Variants in PLCE1 observed in about 807,000 individuals in gnomAD.
PLCE1 encodes the protein 1-phosphatidylinositol 4,5-bisphosphate phosphodiesterase epsilon-1.
In PLCE1, 119 loss-of-function variants were observed where a neutral mutation model predicts 242.8. That is an observed-to-expected ratio of 0.49 (90% confidence interval 0.42 to 0.57). PLCE1 has a LOEUF of 0.57. Among genes scored for constraint, PLCE1 ranks in the 20% least tolerant of loss-of-function variants. The pLI, the probability that PLCE1 is intolerant of heterozygous loss-of-function variation, is 0.00. For synonymous variants in PLCE1, 945 were observed against 1,017.4 expected, an observed-to-expected ratio of 0.93 and a Z score of 1.35; for missense variants, 2,441 against 2,788.8, an observed-to-expected ratio of 0.88 and a Z score of 2.81.
At chr10:94,318,768 A>G (rs933458176) in intron 29 of PLCE1, among the ~76,000 whole-genome samples, 1 of 152,176 alleles carries the variant, frequency 6.6e-6, no homozygotes, top group Non-Finnish European at 1.5e-5. Flanking sequence ...ATTTAAATGT[A>G]TACCACAACA....
chr10:94,218,910 T>A (rs1178857603), intron 4 of PLCE1, among the ~76,000 whole-genome samples: 4 of 134,816 alleles, frequency 3.0e-5, no homozygotes, highest in East Asian at 2.2e-4. Context: ...TTATAAAAAA[T>A]CTGACTATAA....
At chr10:94,136,042 A>G (rs184153158) in intron 3 of PLCE1, among the ~76,000 whole-genome samples, 159 of 152,354 alleles carry the variant, frequency 1.0e-3, no homozygotes, top group Admixed American at 2.5e-3. Flanking sequence ...GATAAAGAAA[A>G]AGGAATAAGT....
In PLCE1 at chr10:94,028,724, G is replaced by A. The variant is rs372111630; in HGVS notation, c.-364-1959G>A. On this transcript the variant is annotated intron_variant, in intron 1 of 32. Transcript: ENST00000371380. ...AGCAATTTGGGAGGCTAAGATGGGA[G>A]GATCGCTTGAGCCCAGAAATTCAAG... Among the ~76,000 whole-genome samples, 5 of 152,122 alleles carry A rather than the reference G, an allele frequency of 3.3e-5. No individual in the cohort carries two copies. The East Asian group carries it at 5.8e-4, about 18-fold the overall frequency.
Position 94,252,385 on chromosome 10 carries a change from G to T in PLCE1, c.3166G>T (p.Ala1056Ser). The change falls in exon 9 of 33, where the codon GCT (alanine) becomes TCT (serine). Residue 1056 changes from alanine (A) to serine (S), a missense_variant. Transcript: ENST00000371380. ...GTTGTTTGGTGGCAGACGGTGGAGT[G>T]CTCGAAACCCCAGCCCCGGAACATC... is the stretch of plus-strand genomic sequence containing the variant. ...VELFGGRRWS[A>S]RNPSPGTSAK... 1 of 1,614,070 alleles carries T rather than the reference G, an allele frequency of 6.2e-7. No individual in the cohort carries two copies. Among genetic ancestry groups the T allele is most frequent in the Non-Finnish European group, 8.5e-7 (1 of 1,180,000 alleles).
chr10:94,202,132 C>T (rs2049005284), intron 4 of PLCE1, among the ~76,000 whole-genome samples: 3 of 152,144 alleles, frequency 2.0e-5, no homozygotes, highest in Non-Finnish European at 4.4e-5. Flanking sequence ...CATCAATTTA[C>T]AGGTGTTACA....
intron 24 of PLCE1, among the ~76,000 whole-genome samples, chr10:94,300,159 G>T (rs1047597019): frequency 6.6e-6 from 1 of 152,200 alleles, no homozygotes. Context: ...GGAAATGGAA[G>T]TGCATTTGGT....
At chr10:94,101,211 G>A (rs2045522443) in intron 2 of PLCE1, among the ~76,000 whole-genome samples, 1 of 152,214 alleles carries the variant, frequency 6.6e-6, no homozygotes, top group South Asian at 2.1e-4. Context: ...TCACCCCTGT[G>A]TGCACAGCAC....
intron 14 of PLCE1, among the ~76,000 whole-genome samples, chr10:94,263,525 A>AAAAAAG (rs1230871331): frequency 2.6e-5 from 4 of 151,110 alleles, no homozygotes; most frequent in African/African-American, 9.7e-5. Context: ...AAAAAAAAAA[A>AAAAAAG]AAAAAGAAAA....
At chr10:94,147,041 G>C (rs371885810) in intron 3 of PLCE1, among the ~76,000 whole-genome samples, 1 of 151,836 alleles carries the variant, frequency 6.6e-6, no homozygotes, top group Non-Finnish European at 1.5e-5. Context: ...TTTTCTACAC[G>C]CATAATGTAG....
At chr10:94,026,126 G>T (rs1186388095) in intron 1 of PLCE1, among the ~76,000 whole-genome samples, 1 of 152,082 alleles carries the variant, frequency 6.6e-6, no homozygotes, top group African/African-American at 2.4e-5. Context: ...CCATCAACAG[G>T]ATTATTCCTG....
intron 32 of PLCE1, among the ~76,000 whole-genome samples, chr10:94,325,909 T>G (rs1164725342): frequency 6.6e-6 from 1 of 152,156 alleles, no homozygotes; most frequent in Non-Finnish European, 1.5e-5. Flanking sequence ...AAAATAAAAA[T>G]CTGGCATCCG....
At chr10:94,240,546 A>G (rs191148473) in intron 7 of PLCE1, among the ~76,000 whole-genome samples, 2 of 152,314 alleles carry the variant, frequency 1.3e-5, no homozygotes, top group South Asian at 2.1e-4. Flanking sequence ...TGGAAAGGAC[A>G]TAGATTTACT....
intron 2 of PLCE1, among the ~76,000 whole-genome samples, chr10:94,095,790 G>A (rs1008202200): frequency 3.3e-5 from 5 of 152,152 alleles, no homozygotes; most frequent in East Asian, 1.9e-4. Flanking sequence ...GACCAGGCCT[G>A]ATTTTATACA....
At chr10:94,179,435 G>A (rs868438635) in intron 4 of PLCE1, among the ~76,000 whole-genome samples, 2 of 151,634 alleles carry the variant, frequency 1.3e-5, no homozygotes, top group Non-Finnish European at 1.5e-5. Context: ...CCTGGGTTCT[G>A]ATCCACCATT....
intron 1 of PLCE1, among the ~76,000 whole-genome samples, chr10:93,997,808 T>G (rs921872869): frequency 3.3e-5 from 5 of 152,300 alleles, no homozygotes; most frequent in Non-Finnish European, 2.9e-5. Flanking sequence ...GCTTGCCCCT[T>G]TCCACCCTGT....
In PLCE1 at chr10:94,164,192, T is replaced by C. The variant is rs1354147244; in HGVS notation, c.1493-6988T>C. 2.0e-5 allele frequency among the ~76,000 whole-genome samples: 3 copies of C among 152,312 alleles called. No individual in the cohort carries two copies. In the East Asian group the frequency reaches 5.8e-4, roughly 29 times the overall value. On this transcript the variant is annotated intron_variant, in intron 3 of 32. Transcript: ENST00000371380. ...TCTCTGTATTTCCTGAATCTGAATGTTGGCCTGCCTTGCTAGATTGGGGAA... is the reference window on the plus strand; with the variant it reads ...TCTCTGTATTTCCTGAATCTGAATGCTGGCCTGCCTTGCTAGATTGGGGAA...
intron 1 of PLCE1, among the ~76,000 whole-genome samples, chr10:93,996,929 T>C (rs2060835594): frequency 1.3e-5 from 2 of 152,188 alleles, no homozygotes; most frequent in South Asian, 4.1e-4. Context: ...TAGAGGATTG[T>C]TTCAAAGGGG....
intron 7 of PLCE1, among the ~76,000 whole-genome samples, chr10:94,244,135 C>T (rs1389282318): frequency 6.6e-6 from 1 of 151,974 alleles, no homozygotes; most frequent in East Asian, 1.9e-4. Context: ...AGAATATCCA[C>T]GTGTGGGGCA....
At chr10:94,041,630 G>A (rs1441013393) in intron 2 of PLCE1, among the ~76,000 whole-genome samples, 2 of 152,172 alleles carry the variant, frequency 1.3e-5, no homozygotes, top group Non-Finnish European at 2.9e-5. Flanking sequence ...AGACCCCAGA[G>A]CTCTGTCTCT....
Sources: gnomAD v4.1 joint callset for allele counts (sites outside exome capture counted in the v4.1 genomes callset) on GRCh38, gnomAD v4.1.1 for gene constraint, MANE v1.5 for transcripts, NCBI Gene and HGNC (gene_info 2026-07-23, HGNC 2026-07-21) for gene names.